The following DAB1 variants were observed in gnomAD, a reference collection of about 807,000 sequenced individuals.
DAB1 encodes the protein DAB adaptor protein 1, also known as disabled homolog 1.
Under a neutral mutation model 64.6 loss-of-function variants are expected in DAB1, and 15 were observed. The ratio of observed to expected loss-of-function variants is 0.23; its 90% CI spans 0.16 to 0.36. DAB1 has a LOEUF of 0.36. Among genes scored for constraint, DAB1 ranks in the 10% least tolerant of loss-of-function variants. The probability of loss-of-function intolerance (pLI) is 1.00; values close to 1 mark genes in which losing one functional copy is unlikely to be tolerated. For missense variants in DAB1, 596 were observed against 706.7 expected (o/e 0.84, Z 1.78); for synonymous variants, 235 against 251.9 (o/e 0.93, Z 0.64).
intron 7 of DAB1, among the ~76,000 whole-genome samples, chr1:57,582,041 C>T (rs1000639653): frequency 6.6e-6 from 1 of 152,076 alleles, no homozygotes; most frequent in Non-Finnish European, 1.5e-5. Flanking sequence ...TCCCATGGAA[C>T]AGAGAGAGGA....
chr1:58,372,311 T>A lies in DAB1; in HGVS notation n.258-28908A>T, dbSNP rs200757749. On this transcript the variant is annotated intron_variant and non_coding_transcript_variant, in intron 3 of 20. Coordinates refer to the DAB1 transcript ENST00000485760. ...AAGATTTAATGACTGCCCAGCCAGGTTTTGGATTTGCATAGGGCCTGTGGC... is the reference window on the plus strand; with the variant it reads ...AAGATTTAATGACTGCCCAGCCAGGATTTGGATTTGCATAGGGCCTGTGGC... Among the ~76,000 whole-genome samples the A allele has an allele frequency of 2.6e-5, 4 of 152,256 alleles. No individual in the cohort carries two copies. In the East Asian group the frequency reaches 5.8e-4, roughly 22 times the overall value.
At chr1:58,195,916 C>A (rs901838596) in intron 4 of DAB1, among the ~76,000 whole-genome samples, 1 of 152,192 alleles carries the variant, frequency 6.6e-6, no homozygotes, top group Non-Finnish European at 1.5e-5. Context: ...TTCCCAAGCT[C>A]ATAAAGCTAG....
Position 57,381,486 on chromosome 1 carries a change from G to C in DAB1, c.-137+42444C>G, listed in dbSNP as rs114593025. ...ATGTCTATAGAATAAATACAGCCTG[G>C]TATCACAGAGTTGCATGCATTACTC... On this transcript the variant is annotated intron_variant, in intron 1 of 14. Transcript: ENST00000371236. Among the ~76,000 whole-genome samples, 965 of 152,214 alleles carry C rather than the reference G, an allele frequency of 6.3e-3. 14 individuals are homozygous for C. The highest frequency in any genetic ancestry group is 0.022 in the African/African-American group (902 of 41,516).
chr1:57,196,555 T>C (rs1664638999), intron 2 of DAB1, among the ~76,000 whole-genome samples: 2 of 152,194 alleles, frequency 1.3e-5, no homozygotes. Flanking sequence ...TAATTCTTGG[T>C]CTTAGCCCAA....
intron 6 of DAB1, among the ~76,000 whole-genome samples, chr1:57,790,722 C>G (rs1650554945): frequency 6.6e-6 from 1 of 152,074 alleles, no homozygotes; most frequent in East Asian, 1.9e-4. Flanking sequence ...AGATTCTGCC[C>G]AAGATATCTA....
chr1:58,329,707 A>C (rs984235738), intron 4 of DAB1, among the ~76,000 whole-genome samples: 4 of 152,118 alleles, frequency 2.6e-5, no homozygotes, highest in African/African-American at 9.7e-5. Flanking sequence ...CAATATTTCA[A>C]ATTTTTCATC....
intron 5 of DAB1, among the ~76,000 whole-genome samples, chr1:58,035,868 AG>A (rs1647037633): frequency 1.3e-5 from 2 of 152,228 alleles, no homozygotes; most frequent in African/African-American, 4.8e-5. Flanking sequence ...AACCCGAGAT[AG>A]GGCACTTTCA....
chr1:57,233,717 C>T (rs1049271814), intron 2 of DAB1, among the ~76,000 whole-genome samples: 3 of 151,578 alleles, frequency 2.0e-5, no homozygotes, highest in Non-Finnish European at 4.4e-5. Flanking sequence ...CGAGATCGTG[C>T]CACTGCACTC....
intron 4 of DAB1, among the ~76,000 whole-genome samples, chr1:58,213,276 C>T (rs1300799557): frequency 6.6e-6 from 1 of 152,140 alleles, no homozygotes; most frequent in Admixed American, 6.5e-5. Context: ...CCAATCCAGA[C>T]ATTTCATAAA....
At chr1:57,691,195 CTAAAGGATTG>C (rs1200305770) in intron 6 of DAB1, among the ~76,000 whole-genome samples, 1 of 152,060 alleles carries the variant, frequency 6.6e-6, no homozygotes. Flanking sequence ...CTGTGTCTAG[CTAAAGGATTG>C]TAAAGGCACC....
In DAB1 at chr1:58,047,488, T is replaced by C. The variant is rs761546745; in HGVS notation, n.387+103023A>G. 3.3e-5 allele frequency among the ~76,000 whole-genome samples: 5 copies of C among 152,166 alleles called. No individual in the cohort carries two copies. The East Asian group carries it at 5.8e-4, about 18-fold the overall frequency. Reference sequence around the variant, plus strand: ...AGTGGCATCTCACAAATGAGGGGTGTGGGTGCAATGAAGCCACCAGCCCCT... The same window carrying C: ...AGTGGCATCTCACAAATGAGGGGTGCGGGTGCAATGAAGCCACCAGCCCCT... On this transcript the variant is annotated intron_variant and non_coding_transcript_variant, in intron 5 of 20. Coordinates refer to the DAB1 transcript ENST00000485760.
chr1:58,411,952 T>C (rs1294331358), intron 3 of DAB1, among the ~76,000 whole-genome samples: 1 of 152,182 alleles, frequency 6.6e-6, no homozygotes, highest in African/African-American at 2.4e-5. Context: ...GAATCCCTCT[T>C]TTCTATAGGA....
intron 2 of DAB1, among the ~76,000 whole-genome samples, chr1:57,270,734 G>A (rs565307942): frequency 6.6e-6 from 1 of 152,326 alleles, no homozygotes; most frequent in African/African-American, 2.4e-5. Flanking sequence ...CTCATAGAGT[G>A]GACACTTTCA....
At chr1:57,570,110 T>G (rs918983664) in intron 7 of DAB1, among the ~76,000 whole-genome samples, 1 of 152,090 alleles carries the variant, frequency 6.6e-6, no homozygotes, top group Admixed American at 6.5e-5. Context: ...GATTAACATT[T>G]GAGTCAGTCG....
chr1:58,047,689 C>T (rs571183243), intron 5 of DAB1, among the ~76,000 whole-genome samples: 114 of 152,284 alleles, frequency 7.5e-4, no homozygotes, highest in African/African-American at 2.6e-3. Context: ...GATCTTCACG[C>T]AATTCCATAC....
intron 9 of DAB1, among the ~76,000 whole-genome samples, chr1:57,037,218 C>T (rs148173892): frequency 6.6e-6 from 1 of 152,268 alleles, no homozygotes; most frequent in Admixed American, 6.5e-5. Context: ...GAATAATTAG[C>T]AGAAGGTTCC....
chr1:58,284,448 C>A (rs1440037697), intron 4 of DAB1, among the ~76,000 whole-genome samples: 1 of 152,248 alleles, frequency 6.6e-6, no homozygotes, highest in Non-Finnish European at 1.5e-5. Flanking sequence ...TTCCCCCAAC[C>A]TGGCTTCTCC....
intron 6 of DAB1, among the ~76,000 whole-genome samples, chr1:57,742,810 C>T (rs1382680789): frequency 6.6e-6 from 1 of 152,068 alleles, no homozygotes; most frequent in Non-Finnish European, 1.5e-5. Context: ...ATTTAGAAGC[C>T]AGGGCAACCC....
intron 4 of DAB1, among the ~76,000 whole-genome samples, chr1:58,206,000 T>C (rs1407015922): frequency 6.6e-6 from 1 of 152,132 alleles, no homozygotes; most frequent in Non-Finnish European, 1.5e-5. Context: ...GTTTTATTTG[T>C]ATATATTACT....
Sources: gnomAD v4.1 joint callset for allele counts (sites outside exome capture counted in the v4.1 genomes callset) on GRCh38, gnomAD v4.1.1 for gene constraint, MANE v1.5 for transcripts, NCBI Gene and HGNC (gene_info 2026-07-23, HGNC 2026-07-21) for gene names.